Variants in UBE2E2 observed in about 807,000 individuals in gnomAD.
UBE2E2 encodes the protein ubiquitin conjugating enzyme E2 E2, also known as ubiquitin-conjugating enzyme E2 E2.
In UBE2E2, 6 loss-of-function variants were observed where a neutral mutation model predicts 24.7. The ratio of observed to expected loss-of-function variants is 0.24; its 90% CI spans 0.13 to 0.48. The LOEUF is 0.48. Ranked by LOEUF, UBE2E2 falls within the 20% of genes least tolerant of loss-of-function variation. The pLI is 0.99. For missense variants in UBE2E2, 169 were observed against 245.0 expected, an observed-to-expected ratio of 0.69 and a Z score of 2.07; for synonymous variants, 104 against 83.6, an observed-to-expected ratio of 1.24 and a Z score of -1.33.
intron 3 of UBE2E2, among the ~76,000 whole-genome samples, chr3:23,231,276 A>G (rs1696967310): frequency 6.6e-6 from 1 of 152,180 alleles, no homozygotes; most frequent in Admixed American, 6.5e-5. Context: ...GCCCACTTAA[A>G]GCAGCTTGTA....
chr3:23,384,774 C>T (rs1188686931), intron 3 of UBE2E2, among the ~76,000 whole-genome samples: 1 of 152,086 alleles, frequency 6.6e-6, no homozygotes, highest in Non-Finnish European at 1.5e-5. Flanking sequence ...AACTCCTGAC[C>T]TCGTGATCCG....
intron 3 of UBE2E2, among the ~76,000 whole-genome samples, chr3:23,379,389 C>T (rs889605065): frequency 8.2e-6 from 1 of 122,212 alleles, no homozygotes; most frequent in African/African-American, 3.1e-5. Flanking sequence ...TGCTATCCCT[C>T]CCCCCTCCCC....
Position 23,407,579 on chromosome 3 carries a change from A to G in UBE2E2, c.228-92029A>G, listed in dbSNP as rs1042075938. ...TTATCTCCTCTGCGCCCCTCCCTCT[A>G]CTTTTTATGGTTTGTATGTTTGTTT... On this transcript the variant is annotated intron_variant, in intron 3 of 5. Coordinates refer to ENST00000396703, the MANE Select transcript of UBE2E2 (RefSeq NM_152653.4). This position sits in a 1 kb window ranked among gnomAD's most constrained non-coding sequence, Gnocchi z 4.0. Among the ~76,000 whole-genome samples, 10 of 147,144 alleles carry G rather than the reference A, an allele frequency of 6.8e-5. No homozygotes were observed. The highest frequency in any genetic ancestry group is 2.5e-4 in the African/African-American group (10 of 39,498).
chr3:23,417,218 C>T (rs1308474338), intron 3 of UBE2E2, among the ~76,000 whole-genome samples: 2 of 152,044 alleles, frequency 1.3e-5, no homozygotes, highest in African/African-American at 4.8e-5. Context: ...ATGTTGGTGA[C>T]CTTCAGATGG....
At chr3:23,495,021 C>T (rs1309045695) in intron 3 of UBE2E2, among the ~76,000 whole-genome samples, 4 of 152,044 alleles carry the variant, frequency 2.6e-5, no homozygotes, top group African/African-American at 9.7e-5. Flanking sequence ...ATGATCTGCC[C>T]GCCTCAGCCT....
At chr3:23,221,403 T>C (rs1441137871) in intron 3 of UBE2E2, among the ~76,000 whole-genome samples, 1 of 152,202 alleles carries the variant, frequency 6.6e-6, no homozygotes, top group African/African-American at 2.4e-5. Flanking sequence ...AATATTTTGA[T>C]ACCTCCCAAA....
In UBE2E2 at chr3:23,246,222, A is replaced by ATTTTT. The variant is rs398051684; in HGVS notation, c.227+28921_227+28925dup. Among the ~76,000 whole-genome samples the ATTTTT allele has an allele frequency of 1.0e-3, 104 of 102,228 alleles. 14 individuals carry two copies. The highest frequency in any genetic ancestry group is 1.1e-3 in the Non-Finnish European group (56 of 50,412). 67.1% of individuals were successfully genotyped at this position (102,228 alleles called of 152,430 possible). A position where few individuals can be genotyped will look rare whatever the true frequency, so the allele number is the denominator to read the frequency against. On this transcript the variant is annotated intron_variant, in intron 3 of 5. Coordinates refer to ENST00000396703, the MANE Select transcript of UBE2E2 (RefSeq NM_152653.4). ...AGGTGTATGCCACCATGCGTGGCTA[A>ATTTTT]TTTTTTTTTTTTTTTCGAGATGGAG...
intron 4 of UBE2E2, among the ~76,000 whole-genome samples, chr3:23,510,923 C>T (rs1055301465): frequency 7.9e-5 from 12 of 151,966 alleles, no homozygotes; most frequent in African/African-American, 2.9e-4. Flanking sequence ...AATAGTTCAG[C>T]CCAGAAAAGA....
intron 3 of UBE2E2, among the ~76,000 whole-genome samples, chr3:23,260,091 TACA>T: frequency 6.6e-6 from 1 of 152,242 alleles, no homozygotes; most frequent in East Asian, 1.9e-4. Flanking sequence ...TAGATGTGTA[TACA>T]ACATTGTTGG....
intron 3 of UBE2E2, among the ~76,000 whole-genome samples, chr3:23,411,030 AAG>A (rs970966319): frequency 6.6e-6 from 1 of 152,214 alleles, no homozygotes; most frequent in Non-Finnish European, 1.5e-5. Context: ...AAATTAAAAA[AAG>A]AGAATGATAA....
chr3:23,373,220 G>A lies in UBE2E2; in HGVS notation c.228-126388G>A, dbSNP rs142253098. Among the ~76,000 whole-genome samples the A allele has an allele frequency of 1.1e-4, 17 of 152,242 alleles. No individual in the cohort carries two copies. In the East Asian group the frequency reaches 3.3e-3, roughly 29 times the overall value. ...GAGTGGTCTTTATCTTTCTCTGAGTGGGTTCTAAGTAAAACACCAGGTTGG... is the reference window on the plus strand; with the variant it reads ...GAGTGGTCTTTATCTTTCTCTGAGTAGGTTCTAAGTAAAACACCAGGTTGG... On this transcript the variant is annotated intron_variant, in intron 3 of 5. Coordinates refer to ENST00000396703, the MANE Select transcript of UBE2E2 (RefSeq NM_152653.4).
chr3:23,446,546 C>T (rs1209111994), intron 3 of UBE2E2, among the ~76,000 whole-genome samples: 3 of 151,998 alleles, frequency 2.0e-5, no homozygotes, highest in Admixed American at 6.6e-5. Context: ...GTGAAAGTTA[C>T]CTGCCTTTCA....
intron 3 of UBE2E2, among the ~76,000 whole-genome samples, chr3:23,288,847 G>C (rs1698687133): frequency 6.6e-6 from 1 of 152,056 alleles, no homozygotes; most frequent in African/African-American, 2.4e-5. Flanking sequence ...TGTATGAATA[G>C]GAAGTAGCAT....
At chr3:23,338,271 TTTAAGA>T (rs1695268770) in intron 3 of UBE2E2, among the ~76,000 whole-genome samples, 1 of 152,144 alleles carries the variant, frequency 6.6e-6, no homozygotes, top group Non-Finnish European at 1.5e-5. Context: ...TTATGTGTAG[TTTAAGA>T]TTAAGCAACT....
At chr3:23,435,440 C>T (rs1481543749) in intron 3 of UBE2E2, among the ~76,000 whole-genome samples, 1 of 152,230 alleles carries the variant, frequency 6.6e-6, no homozygotes, top group Middle Eastern at 3.2e-3. Flanking sequence ...ACTTCCTCCT[C>T]ACCCCTTTGA....
chr3:23,393,805 T>C (rs1447792222), intron 3 of UBE2E2, among the ~76,000 whole-genome samples: 6 of 152,182 alleles, frequency 3.9e-5, no homozygotes, highest in Admixed American at 2.0e-4. Flanking sequence ...GACTATTATA[T>C]GACACATGAA....
At chr3:23,349,521 C>A (rs151276869) in intron 3 of UBE2E2, among the ~76,000 whole-genome samples, 33 of 152,328 alleles carry the variant, frequency 2.2e-4, no homozygotes, top group African/African-American at 7.9e-4. Flanking sequence ...AATTGGGTCA[C>A]TCCCATCCTA....
At chr3:23,402,283 C>A (rs886117174) in intron 3 of UBE2E2, among the ~76,000 whole-genome samples, 1 of 152,178 alleles carries the variant, frequency 6.6e-6, no homozygotes, top group Non-Finnish European at 1.5e-5. Context: ...GAAACAACTT[C>A]CACGTAATGT....
At chr3:23,565,469 T>TC (rs1696050198) in intron 5 of UBE2E2, among the ~76,000 whole-genome samples, 1 of 131,242 alleles carries the variant, frequency 7.6e-6, no homozygotes, top group Non-Finnish European at 1.6e-5. Context: ...TTTTTTTTTT[T>TC]TTCAGTGAAA....
Sources: gnomAD v4.1 joint callset for allele counts (sites outside exome capture counted in the v4.1 genomes callset) on GRCh38, gnomAD v4.1.1 for gene constraint, Gnocchi (gnomAD v3.1) non-coding constraint, MANE v1.5 for transcripts, NCBI Gene and HGNC (gene_info 2026-07-23, HGNC 2026-07-21) for gene names.